Variants in DENND1A observed in about 807,000 individuals in gnomAD.
DENND1A encodes DENN domain-containing protein 1A.
DENND1A carries 51 observed loss-of-function variants against 113.7 expected under a neutral mutation model. The ratio of observed to expected loss-of-function variants is 0.45; its 90% CI spans 0.36 to 0.57. The LOEUF (loss-of-function observed/expected upper bound fraction) is 0.57. DENND1A is among the 20% of genes least tolerant of loss of function. The pLI is 0.00. For synonymous variants in DENND1A, 565 were observed against 570.8 expected, an observed-to-expected ratio of 0.99 and a Z score of 0.14; for missense variants, 1,258 against 1,395.9, an observed-to-expected ratio of 0.90 and a Z score of 1.57.
chr9:123,838,544 GGACAACTTAAAAAAA>G (rs1393743513), intron 2 of DENND1A, among the ~76,000 whole-genome samples: 12 of 151,962 alleles, frequency 7.9e-5, no homozygotes, highest in African/African-American at 2.4e-4. Context: ...ACTGAAATTT[GGACAACTTAAAAAAA>G]ATAGCCATAT....
intron 3 of DENND1A, among the ~76,000 whole-genome samples, chr9:123,772,020 T>C (rs1283856135): frequency 1.3e-5 from 2 of 152,086 alleles, no homozygotes; most frequent in African/African-American, 4.8e-5. Flanking sequence ...AAAACAAAAA[T>C]GAGCATCTAC....
At chr9:123,903,467 G>C (rs1230697) in intron 1 of DENND1A, among the ~76,000 whole-genome samples, 32,435 of 151,744 alleles carry the variant, frequency 0.21, 5,412 homozygotes, top group African/African-American at 0.47. Context: ...GTACCGGGTT[G>C]ATCTCACTAG....
intron 6 of DENND1A, among the ~76,000 whole-genome samples, chr9:123,674,342 T>TCACACACACA (rs546398875): frequency 8.6e-4 from 114 of 132,372 alleles, no homozygotes; most frequent in East Asian, 6.9e-3. Context: ...TGTCTCTCTC[T>TCACACACACA]CACACACACA....
chr9:123,851,615 CTG>C (rs1213835063), intron 2 of DENND1A, among the ~76,000 whole-genome samples: 1 of 152,216 alleles, frequency 6.6e-6, no homozygotes, highest in Non-Finnish European at 1.5e-5. Context: ...AAGCTTACAA[CTG>C]TTGTTCCTCA....
intron 8 of DENND1A, among the ~76,000 whole-genome samples, chr9:123,664,832 C>A (rs1436635352): frequency 6.6e-6 from 1 of 152,148 alleles, no homozygotes; most frequent in African/African-American, 2.4e-5. Context: ...TGATTTAGTA[C>A]ATGATCAGTT....
chr9:123,690,036 AGGAGGG>A (rs1321472521), intron 5 of DENND1A, among the ~76,000 whole-genome samples: 6 of 126,500 alleles, frequency 4.7e-5, no homozygotes, highest in African/African-American at 1.7e-4. Flanking sequence ...AGGGAAGAAA[AGGAGGG>A]AAGAAGGAAA....
At chr9:123,394,382 A>G (rs1032217209) in intron 21 of DENND1A, among the ~76,000 whole-genome samples, 2 of 151,822 alleles carry the variant, frequency 1.3e-5, no homozygotes, top group Non-Finnish European at 2.9e-5. Context: ...TCAAGAGAAG[A>G]GGCTGGAGGT....
At chr9:123,590,587 T>C (rs894753948) in intron 11 of DENND1A, among the ~76,000 whole-genome samples, 1 of 152,156 alleles carries the variant, frequency 6.6e-6, no homozygotes, top group African/African-American at 2.4e-5. Context: ...GCCTGGCACA[T>C]GGGAAGTGCA....
At chr9:123,760,881 A>T (rs1018954874) in intron 4 of DENND1A, among the ~76,000 whole-genome samples, 1 of 152,168 alleles carries the variant, frequency 6.6e-6, no homozygotes, top group African/African-American at 2.4e-5. Context: ...CAAGTTACAA[A>T]TAAGGTTGTG....
chr9:123,730,378 C>G (rs1179559683), intron 5 of DENND1A, among the ~76,000 whole-genome samples: 1 of 151,966 alleles, frequency 6.6e-6, no homozygotes. Context: ...GGGCTAATAT[C>G]CAGAATATAT....
intron 1 of DENND1A, among the ~76,000 whole-genome samples, chr9:123,923,862 G>T (rs1564515436): frequency 6.6e-6 from 1 of 152,048 alleles, no homozygotes; most frequent in Non-Finnish European, 1.5e-5. Context: ...GCTGCTTTAG[G>T]AAACAATTTT....
chr9:123,433,200 A>G (rs561831125), intron 19 of DENND1A, among the ~76,000 whole-genome samples: 1 of 152,338 alleles, frequency 6.6e-6, no homozygotes, highest in East Asian at 1.9e-4. Flanking sequence ...GAGATGTGGA[A>G]ACGGAATTTC....
chr9:123,384,385 C>T (rs1203823974), intron 22 of DENND1A, among the ~76,000 whole-genome samples: 1 of 152,236 alleles, frequency 6.6e-6, no homozygotes, highest in Non-Finnish European at 1.5e-5. Flanking sequence ...GGGAAGCTCT[C>T]CAGGGGAGCT....
At chr9:123,452,027 T>C (rs1217334270) in intron 17 of DENND1A, among the ~76,000 whole-genome samples, 3 of 42,118 alleles carry the variant, frequency 7.1e-5, no homozygotes, top group Non-Finnish European at 1.3e-4. Flanking sequence ...CTGAGACCTG[T>C]CTCTCCAAAA....
rs1023594544 is a variant in DENND1A at position 123,808,152 on chromosome 9, G to T, written c.89-15522C>A. On this transcript the variant is annotated intron_variant, in intron 2 of 23. Transcript: ENST00000394215. ...GAGGCAGGAGAATTGCTTGAACTCGGGGGTCAGAGGTTGCAGTGAGCTGAG... is the reference window on the plus strand; with the variant it reads ...GAGGCAGGAGAATTGCTTGAACTCGTGGGTCAGAGGTTGCAGTGAGCTGAG... Among the ~76,000 whole-genome samples the T allele has an allele frequency of 2.6e-4, 40 of 152,002 alleles. 2 individuals carry two copies. Among genetic ancestry groups the T allele is most frequent in the South Asian group, 6.3e-4 (3 of 4,796 alleles).
intron 19 of DENND1A, among the ~76,000 whole-genome samples, chr9:123,414,934 T>C (rs7045344): frequency 6.6e-6 from 1 of 152,232 alleles, no homozygotes; most frequent in Non-Finnish European, 1.5e-5. Context: ...AAATTACTTT[T>C]GGCTTAAACT....
At chr9:123,609,116 G>C (rs948732401) in intron 11 of DENND1A, among the ~76,000 whole-genome samples, 1 of 152,028 alleles carries the variant, frequency 6.6e-6, no homozygotes, top group Non-Finnish European at 1.5e-5. Flanking sequence ...TTGCTATAGC[G>C]ATTAGAACAA....
chr9:123,730,051 G>A (rs1444004297), intron 5 of DENND1A, among the ~76,000 whole-genome samples: 2 of 152,146 alleles, frequency 1.3e-5, no homozygotes, highest in Non-Finnish European at 2.9e-5. Context: ...AAACTGGCTA[G>A]CCATATGAGG....
At chr9:123,790,478 ACC>A (rs1832840569) in intron 3 of DENND1A, among the ~76,000 whole-genome samples, 1 of 152,146 alleles carries the variant, frequency 6.6e-6, no homozygotes, top group Non-Finnish European at 1.5e-5. Flanking sequence ...TTATAAGTCT[ACC>A]TCTGGTCCAT....
Sources: gnomAD v4.1 joint callset for allele counts (sites outside exome capture counted in the v4.1 genomes callset) on GRCh38, gnomAD v4.1.1 for gene constraint, MANE v1.5 for transcripts, NCBI Gene and HGNC (gene_info 2026-07-23, HGNC 2026-07-21) for gene names.